Variants in PLXND1 observed in about 807,000 individuals in gnomAD.
PLXND1 encodes plexin D1.
Under a neutral mutation model 197.7 loss-of-function variants are expected in PLXND1, and 54 were observed. That is an observed-to-expected ratio of 0.27 (90% CI 0.22 to 0.34). The LOEUF (loss-of-function observed/expected upper bound fraction) is 0.34, where lower values mean the gene tolerates loss of function less well. Among genes scored for constraint, PLXND1 ranks in the 10% least tolerant of loss-of-function variants. PLXND1 has a pLI of 1.00. For synonymous variants in PLXND1, 1,180 were observed against 1,161.2 expected (o/e 1.02, Z -0.33); for missense variants, 2,127 against 2,699.2 (o/e 0.79, Z 4.70).
chr3:129,589,307 G>GCCGGCCCCCCCCCCCCCCCCCCCCCC, intron 2 of PLXND1, 44 bp downstream of exon 2: 5 of 684,688 alleles, frequency 7.3e-6, no homozygotes, highest in African/African-American at 3.6e-5. Context: ...TCCCAGGGGA[G>GCCGGCCCCCCCCCCCCCCCCCCCCCC]CCTCCCACCC....
At chr3:129,564,148 T>C (rs928412495) in intron 25 of PLXND1, among the ~76,000 whole-genome samples, 12 of 152,264 alleles carry the variant, frequency 7.9e-5, no homozygotes, top group Non-Finnish European at 1.8e-4. Context: ...GGCACCCCAA[T>C]GGCCCCTCCC....
intron 25 of PLXND1, among the ~76,000 whole-genome samples, chr3:129,564,950 G>A (rs1168091375): frequency 6.6e-6 from 1 of 152,260 alleles, no homozygotes; most frequent in Admixed American, 6.5e-5. Context: ...CGAGGCACTG[G>A]CCACCCTGTA....
chr3:129,572,965 C>T (rs1186116213), intron 13 of PLXND1, 24 bp from the exon 14 acceptor site: 1 of 1,580,498 alleles, frequency 6.3e-7, no homozygotes, highest in Non-Finnish European at 8.7e-7. Flanking sequence ...CTGTGGTCAG[C>T]CAGCGGTCCT....
At position 129,571,706 on chromosome 3, in the gene PLXND1, C is replaced by A; in HGVS notation, c.3216G>T (p.Thr1072=). 1 of 1,613,818 alleles carries A rather than the reference C, an allele frequency of 6.2e-7. No individual in the cohort carries two copies. The highest frequency in any genetic ancestry group is 1.1e-5 in the South Asian group (1 of 91,084). Reference sequence around the variant, plus strand: ...CAGGGCTGCGGCGGGGACTGATGGCCGTGATGACCGGGTTCTGCATGTACC... The same window carrying A: ...CAGGGCTGCGGCGGGGACTGATGGCAGTGATGACCGGGTTCTGCATGTACC... ...TFWYMQNPVI[T]AISPRRSPVS... is the part of the protein sequence containing the mutation. Residue 1072 remains threonine, a synonymous_variant, in exon 16 of 36, where the codon ACG becomes ACT. Transcript: ENST00000324093.
chr3:129,597,800 G>C lies in PLXND1; in HGVS notation c.1311+7529C>G, dbSNP rs576581328. 4.6e-5 allele frequency among the ~76,000 whole-genome samples: 7 copies of C among 152,352 alleles called. No homozygotes were observed. In the East Asian group the frequency reaches 5.8e-4, roughly 13 times the overall value. On this transcript the variant is annotated intron_variant, in intron 1 of 35. Transcript: ENST00000324093. ...GGAAAGAAGAAAACGGCTGTACTTG[G>C]GGGGCAGTGAGGATCCAAGTCCACG...
Position 129,571,710 on chromosome 3 carries a change from A to G in PLXND1, c.3212T>C (p.Ile1071Thr). 1.2e-6 allele frequency: 2 copies of G among 1,613,810 alleles called. No individual in the cohort carries two copies. The highest frequency in any genetic ancestry group is 1.7e-6 in the Non-Finnish European group (2 of 1,179,968). The change falls in exon 16 of 36, where the codon ATC becomes ACC. Residue 1071 changes from isoleucine to threonine, a missense_variant. Physicochemically the swap from Ile to Thr is moderately conservative, Grantham distance 89. Coordinates refer to ENST00000324093, the MANE Select transcript of PLXND1 (RefSeq NM_015103.3). The part of the protein sequence containing the change: ...LTFWYMQNPV[I>T]TAISPRRSPV... ...GCTGCGGCGGGGACTGATGGCCGTG[A>G]TGACCGGGTTCTGCATGTACCAGAA...
In PLXND1 at chr3:129,571,619, C is replaced by T. The variant is rs752652906; in HGVS notation, c.3246-20G>A. 1 of 1,613,944 alleles carries T rather than the reference C, an allele frequency of 6.2e-7. No individual in the cohort carries two copies. Among genetic ancestry groups the T allele is most frequent in the South Asian group, 1.1e-5 (1 of 91,084 alleles). On this transcript the variant is annotated intron_variant, in intron 16 of 35. Coordinates refer to ENST00000324093, the MANE Select transcript of PLXND1 (RefSeq NM_015103.3). ...CCGCCACTGCGGGGGACAGCAAAACCTATCAGTGCACCTGCAGCCCCAGAG... is the reference window on the plus strand; with the variant it reads ...CCGCCACTGCGGGGGACAGCAAAACTTATCAGTGCACCTGCAGCCCCAGAG...
chr3:129,571,945 G>GCCAA, intron 15 of PLXND1, 101 bp from the exon 16 acceptor site: 1 of 1,106,568 alleles, frequency 9.0e-7, no homozygotes, highest in Non-Finnish European at 1.3e-6. Flanking sequence ...CTTGGCCTGG[G>GCCAA]GTTCAAGGCC....
intron 15 of PLXND1, 130 bp from the exon 16 acceptor site, chr3:129,571,974 T>A (rs1288533307): frequency 8.8e-6 from 7 of 794,642 alleles, no homozygotes; most frequent in Non-Finnish European, 1.4e-5. Context: ...TGGTCCCAAC[T>A]CATCTTCTGC....
rs995661984 is a variant in PLXND1 at position 129,606,640 on chromosome 3, C to G, written c.-1G>C. ...CGCCGCCCGCGGCGCGAGGAGCCATCCGGGCGTGCGCGGGCTGCGCGGCGC... is the reference window on the plus strand; with the variant it reads ...CGCCGCCCGCGGCGCGAGGAGCCATGCGGGCGTGCGCGGGCTGCGCGGCGC... On this transcript the variant is annotated 5_prime_UTR_variant, in exon 1 of 36. Transcript: ENST00000324093. 9.6e-6 allele frequency: 10 copies of G among 1,044,548 alleles called. No individual in the cohort carries two copies. Among genetic ancestry groups the G allele is most frequent in the Non-Finnish European group, 9.2e-6 (8 of 868,226 alleles). The allele number at this position is 1,044,548 out of a possible 1,614,324, so 64.7% of individuals were successfully genotyped here.
At chr3:129,595,316 CTG>C (rs914953690) in intron 1 of PLXND1, among the ~76,000 whole-genome samples, 1 of 152,246 alleles carries the variant, frequency 6.6e-6, no homozygotes, top group African/African-American at 2.4e-5. Context: ...CATGGGCACA[CTG>C]TGTGCCAGCC....
chr3:129,576,809 T>G (rs2085320427), intron 9 of PLXND1, among the ~76,000 whole-genome samples: 1 of 152,210 alleles, frequency 6.6e-6, no homozygotes, highest in Admixed American at 6.5e-5. Flanking sequence ...GTGCTTGCTA[T>G]CATTAGTATG....
chr3:129,586,370 A>G (rs1578344699), intron 3 of PLXND1, 98 bp from the exon 4 acceptor site: 1 of 1,083,844 alleles, frequency 9.2e-7, no homozygotes. Context: ...GAGGCTGGGG[A>G]AACTGAGGGT....
Position 129,584,580 on chromosome 3 carries a change from T to A in PLXND1, c.1852-18A>T. 4 of 1,589,114 alleles carry A rather than the reference T, an allele frequency of 2.5e-6. No individual in the cohort carries two copies. The East Asian group carries it at 9.0e-5, about 36-fold the overall frequency. On this transcript the variant is annotated intron_variant, in intron 5 of 35. Transcript: ENST00000324093. Reference sequence around the variant, plus strand: ...ATCATGCCCTGGGGGCAAGGAGCCCTCAGCTCTGGGGGTCCAGGCTATGCT... The same window carrying A: ...ATCATGCCCTGGGGGCAAGGAGCCCACAGCTCTGGGGGTCCAGGCTATGCT...
At chr3:129,576,034 T>C (rs2085309509) in intron 9 of PLXND1, among the ~76,000 whole-genome samples, 179 bp from the exon 10 acceptor site, 1 of 152,168 alleles carries the variant, frequency 6.6e-6, no homozygotes, top group African/African-American at 2.4e-5. Context: ...TCACGTCCAA[T>C]GTTTGAGGGA....
chr3:129,597,552 G>A (rs770556059), intron 1 of PLXND1, among the ~76,000 whole-genome samples: 6 of 152,274 alleles, frequency 3.9e-5, no homozygotes, highest in Non-Finnish European at 5.9e-5. Context: ...GGGCCTTGCC[G>A]GGACTCGTAA....
rs1004168873 is a variant in PLXND1, at chr3:129,577,789, G to A, written c.2346+540C>T. Among the ~76,000 whole-genome samples the A allele has an allele frequency of 6.6e-6, 1 of 152,232 alleles. No homozygotes were observed. Among genetic ancestry groups the A allele is most frequent in the East Asian group, 1.9e-4 (1 of 5,198 alleles). ...AGACGAGCACTGGTTGGGGAGTCCA[G>A]AGCTAAGCACAAGTCCAGCCCTGTG... On this transcript the variant is annotated intron_variant, in intron 9 of 35. Coordinates refer to ENST00000324093, the MANE Select transcript of PLXND1 (RefSeq NM_015103.3). This position sits in a 1 kb window ranked among gnomAD's most constrained non-coding sequence, Gnocchi z 5.0.
chr3:129,563,560 C>T (rs374743662), intron 25 of PLXND1, among the ~76,000 whole-genome samples: 48 of 152,358 alleles, frequency 3.2e-4, no homozygotes, highest in African/African-American at 1.1e-3. Flanking sequence ...AGCTGGGAAG[C>T]GGCAGGGCAG....
chr3:129,592,644 A>G (rs1402877705), intron 1 of PLXND1, among the ~76,000 whole-genome samples: 1 of 150,326 alleles, frequency 6.7e-6, no homozygotes, highest in East Asian at 1.9e-4. Context: ...TGACTTTCAC[A>G]AGCCATTAAT....
Sources: allele counts gnomAD v4.1 joint callset (sites outside exome capture counted in the v4.1 genomes callset), GRCh38; gene constraint gnomAD v4.1.1; non-coding constraint Gnocchi (gnomAD v3.1); transcripts MANE v1.5; gene names NCBI Gene and HGNC (gene_info 2026-07-23, HGNC 2026-07-21).